Variants in TCAIM observed in about 807,000 individuals in gnomAD.
The protein encoded by TCAIM is T-cell activation inhibitor, mitochondrial.
In TCAIM, 36 loss-of-function variants were observed where a neutral mutation model predicts 58.6. That is an observed-to-expected ratio of 0.61 (90% CI 0.47 to 0.81). The LOEUF (loss-of-function observed/expected upper bound fraction) is 0.81, where lower values mean the gene tolerates loss of function less well. TCAIM is among the 30% of genes least tolerant of loss of function. TCAIM has a pLI of 0.00. For synonymous variants in TCAIM, 172 were observed against 193.6 expected (o/e 0.89, Z 0.93); for missense variants, 466 against 579.6 (o/e 0.80, Z 2.01).
Position 44,406,565 on chromosome 3 carries a change from C to T in TCAIM, c.1251-877C>T, listed in dbSNP as rs1236639918. 2.0e-5 allele frequency among the ~76,000 whole-genome samples: 3 copies of T among 152,218 alleles called. 1 individual carries two copies. Among genetic ancestry groups the T allele is most frequent in the South Asian group, 4.1e-4 (2 of 4,832 alleles). On this transcript the variant is annotated intron_variant, in intron 10 of 10. Transcript: ENST00000342649. Reference sequence around the variant, plus strand: ...TATTATAGGCCATGATAACTAACTGCTATGACCATTTCTGTTTTTTACTGT... The same window carrying T: ...TATTATAGGCCATGATAACTAACTGTTATGACCATTTCTGTTTTTTACTGT...
At chr3:44,384,048 G>A (rs970229920) in intron 5 of TCAIM, among the ~76,000 whole-genome samples, 1 of 152,070 alleles carries the variant, frequency 6.6e-6, no homozygotes, top group Non-Finnish European at 1.5e-5. Context: ...AGGTTAAATA[G>A]TCTGGCTTAC....
chr3:44,348,292 A>T (rs1275683738), intron 1 of TCAIM, among the ~76,000 whole-genome samples: 1 of 152,232 alleles, frequency 6.6e-6, no homozygotes, highest in African/African-American at 2.4e-5. Context: ...TCAGCCACTA[A>T]GCTGAGAAGA....
chr3:44,373,849 A>C (rs912434443), intron 5 of TCAIM, among the ~76,000 whole-genome samples: 1 of 152,218 alleles, frequency 6.6e-6, no homozygotes, highest in African/African-American at 2.4e-5. Flanking sequence ...TTAATTATAT[A>C]GCTTGTATTT....
At chr3:44,391,897 G>T (rs1270799959) in intron 5 of TCAIM, among the ~76,000 whole-genome samples, 1 of 152,096 alleles carries the variant, frequency 6.6e-6, no homozygotes, top group African/African-American at 2.4e-5. Context: ...ATTGTCACTA[G>T]TCCCATCAGA....
rs561965813 is a variant in TCAIM at position 44,403,580 on chromosome 3, G to A, written c.1250+2246G>A. On this transcript the variant is annotated intron_variant, in intron 10 of 10. Coordinates refer to ENST00000342649, the MANE Select transcript of TCAIM (RefSeq NM_173826.4). Reference sequence around the variant, plus strand: ...TTATTTTGTTTGCTATAACCTATCGGCTGCTTTTTCTCTTTTTCTCTATGG... The same window carrying A: ...TTATTTTGTTTGCTATAACCTATCGACTGCTTTTTCTCTTTTTCTCTATGG... Among the ~76,000 whole-genome samples the A allele has an allele frequency of 5.7e-4, 87 of 152,236 alleles. 2 individuals carry two copies. The South Asian group carries it at 0.017, about 29-fold the overall frequency.
At chr3:44,401,160 G>T (rs527373820) in intron 9 of TCAIM, 43 bp from the exon 10 acceptor site, 1 of 1,604,084 alleles carries the variant, frequency 6.2e-7, no homozygotes, top group Non-Finnish European at 8.5e-7. Context: ...TGGGGGAGAG[G>T]AGAGGGTCAG....
chr3:44,372,745 C>T (rs975258538), intron 5 of TCAIM, among the ~76,000 whole-genome samples: 1 of 152,072 alleles, frequency 6.6e-6, no homozygotes, highest in African/African-American at 2.4e-5. Context: ...AGGCGCCTGC[C>T]ACCACACCCG....
intron 5 of TCAIM, chr3:44,391,061 A>G (rs1701826171): frequency 1.3e-5 from 2 of 152,174 alleles, no homozygotes; most frequent in African/African-American, 2.4e-5. Flanking sequence ...GAGCACTAAC[A>G]AGCACCCTTA....
chr3:44,367,862 T>C, intron 5 of TCAIM, 154 bp downstream of exon 5: 2 of 692,418 alleles, frequency 2.9e-6, no homozygotes, highest in Non-Finnish European at 4.5e-6. Flanking sequence ...ATACTATCAG[T>C]CTAGTTAATC....
At chr3:44,361,642 GA>G in intron 4 of TCAIM, 124 bp downstream of exon 4, 2 of 997,906 alleles carry the variant, frequency 2.0e-6, no homozygotes, top group Admixed American at 7.3e-5. Context: ...GCATTTAATT[GA>G]TTGTTTTCCT....
rs780900442 is a variant in TCAIM, at chr3:44,383,088, CAA to C, written c.573-9766_573-9765del. Among the ~76,000 whole-genome samples, 4 of 152,100 alleles carry C rather than the reference CAA, an allele frequency of 2.6e-5. No homozygotes were observed. In the South Asian group the frequency reaches 6.2e-4, roughly 24 times the overall value. On this transcript the variant is annotated intron_variant, in intron 5 of 10. Coordinates refer to ENST00000342649, the MANE Select transcript of TCAIM (RefSeq NM_173826.4). ...GGCTACTATCCAAAAACCAAAATAA[CAA>C]GAGTTGATGAGGGTTTGAAGAAACT...
At chr3:44,354,182 C>T (rs2125630549) in intron 1 of TCAIM, among the ~76,000 whole-genome samples, 1 of 152,328 alleles carries the variant, frequency 6.6e-6, no homozygotes, top group Non-Finnish European at 1.5e-5. Context: ...TGTCTTTGCT[C>T]CACTGGATTG....
chr3:44,391,627 G>C (rs1701837949), intron 5 of TCAIM, among the ~76,000 whole-genome samples: 1 of 152,176 alleles, frequency 6.6e-6, no homozygotes, highest in Non-Finnish European at 1.5e-5. Context: ...CTGGACATTT[G>C]GTTGGGTGGA....
intron 10 of TCAIM, among the ~76,000 whole-genome samples, chr3:44,405,951 CAAAAAAA>C (rs10579882): frequency 8.0e-5 from 9 of 113,040 alleles, no homozygotes; most frequent in Admixed American, 1.9e-4. Flanking sequence ...GACTCCATCT[CAAAAAAA>C]AAAAAAAAAA....
At chr3:44,407,413 T>G (rs1362476591) in intron 10 of TCAIM, 29 bp from the exon 11 acceptor site, 1 of 1,343,496 alleles carries the variant, frequency 7.4e-7, no homozygotes, top group African/African-American at 1.5e-5. Flanking sequence ...TTTGTTCTTA[T>G]GACAATATTT....
chr3:44,368,006 C>A, intron 5 of TCAIM: 1 of 276,744 alleles, frequency 3.6e-6, no homozygotes, highest in Non-Finnish European at 6.8e-6. Context: ...TTTAAAAATT[C>A]TATTCAAGTT....
chr3:44,344,283 C>T (rs1033622741), intron 1 of TCAIM, among the ~76,000 whole-genome samples: 1 of 152,124 alleles, frequency 6.6e-6, no homozygotes, highest in African/African-American at 2.4e-5. Flanking sequence ...AGGGATGAGC[C>T]ACCATACCGA....
intron 5 of TCAIM, among the ~76,000 whole-genome samples, chr3:44,372,004 AAG>A (rs1173930871): frequency 7.1e-6 from 1 of 139,888 alleles, no homozygotes; most frequent in Non-Finnish European, 1.5e-5. Context: ...GAGAGAGAGA[AAG>A]AGAGAAGGAA....
rs780507210 is a variant in TCAIM at position 44,400,348 on chromosome 3, A to G, written c.886-7A>G. The stretch of plus-strand genomic sequence containing the variant: ...TAATTATTTCTTTCCCTTTGTTAAC[A>G]CTGTAGCTTTTTGAAAGATTGCCAA... On this transcript the variant is annotated splice_polypyrimidine_tract_variant and splice_region_variant and intron_variant, in intron 8 of 10. Coordinates refer to ENST00000342649, the MANE Select transcript of TCAIM (RefSeq NM_173826.4). 76 of 1,607,010 alleles carry G rather than the reference A, an allele frequency of 4.7e-5. No individual in the cohort carries two copies. Among genetic ancestry groups the G allele is most frequent in the Non-Finnish European group, 5.7e-5 (67 of 1,174,712 alleles).
Sources: gnomAD v4.1 joint callset for allele counts (sites outside exome capture counted in the v4.1 genomes callset) on GRCh38, gnomAD v4.1.1 for gene constraint, MANE v1.5 for transcripts, NCBI Gene and HGNC (gene_info 2026-07-23, HGNC 2026-07-21) for gene names.